DAB2IP: variants seen among roughly 807,000 people sequenced by gnomAD.
DAB2IP encodes disabled homolog 2-interacting protein.
A neutral mutation model predicts 107.2 loss-of-function variants in DAB2IP; 28 were observed. The observed-to-expected ratio is 0.26, with a 90% confidence interval of 0.19 to 0.36. The LOEUF (loss-of-function observed/expected upper bound fraction) is 0.36. Among genes scored for constraint, DAB2IP ranks in the 10% least tolerant of loss-of-function variants. The pLI, the probability that DAB2IP is intolerant of heterozygous loss-of-function variation, is 1.00. For synonymous variants in DAB2IP, 755 were observed against 706.4 expected (o/e 1.07, Z -1.09); for missense variants, 1,400 against 1,644.7 (o/e 0.85, Z 2.57).
At chr9:121,588,976 C>A (rs1286031055) in intron 1 of DAB2IP, among the ~76,000 whole-genome samples, 2 of 151,942 alleles carry the variant, frequency 1.3e-5, no homozygotes, top group South Asian at 2.1e-4. Flanking sequence ...CCCTACCCCC[C>A]ACCAAACCCA....
chr9:121,573,424 G>T (rs1211731643), intron 1 of DAB2IP, among the ~76,000 whole-genome samples: 1 of 151,528 alleles, frequency 6.6e-6, no homozygotes, highest in Non-Finnish European at 1.5e-5. Flanking sequence ...TCACTCTGTC[G>T]CCCAGTTTAG....
intron 1 of DAB2IP, among the ~76,000 whole-genome samples, chr9:121,642,488 CTTTTTTTT>C (rs59223844): frequency 7.6e-6 from 1 of 131,184 alleles, no homozygotes; most frequent in Non-Finnish European, 1.6e-5. Flanking sequence ...GCTTTTTTTT[CTTTTTTTT>C]TTTTTTTTTG....
intron 3 of DAB2IP, among the ~76,000 whole-genome samples, chr9:121,734,347 G>A (rs1025017719): frequency 2.9e-5 from 4 of 139,098 alleles, no homozygotes. Context: ...ATTGCAGTCC[G>A]CAGTCCGGCC....
chr9:121,715,139 A>G (rs1830530384), intron 3 of DAB2IP, among the ~76,000 whole-genome samples: 1 of 151,928 alleles, frequency 6.6e-6, no homozygotes, highest in South Asian at 2.1e-4. Flanking sequence ...TGCTGCCCTG[A>G]GGGTGTCTCT....
At chr9:121,626,753 TTTGAGCTTTCGGA>T (rs1831663289) in intron 1 of DAB2IP, among the ~76,000 whole-genome samples, 3 of 152,126 alleles carry the variant, frequency 2.0e-5, no homozygotes, top group African/African-American at 7.2e-5. Flanking sequence ...CACCCCCTGG[TTTGAGCTTTCGGA>T]GAGTGGCTCT....
At position 121,758,748 on chromosome 9, in the gene DAB2IP, C is replaced by T. The variant is rs114943728; in HGVS notation, c.517-150C>T. The T allele has an allele frequency of 3.6e-3, 2,413 of 661,890 alleles. 49 individuals carry two copies. In the African/African-American group the frequency reaches 0.039, roughly 11 times the overall value. The allele number at this position is 661,890 out of a possible 1,614,324, so 41.0% of individuals were successfully genotyped here. On this transcript the variant is annotated intron_variant, in intron 4 of 15. Transcript: ENST00000408936. ...CCACCTGCAAAACATGAAGTAGAGG[C>T]GTCATATGAGCCTTGTCCTGGCTCC...
intron 1 of DAB2IP, among the ~76,000 whole-genome samples, chr9:121,588,583 A>AGG (rs1475595892): frequency 1.2e-4 from 3 of 24,440 alleles, no homozygotes; most frequent in African/African-American, 2.5e-4. Context: ...TGAAGGGGGA[A>AGG]GGGAAGGGGG....
At chr9:121,649,503 AGGG>A (rs1832661505), upstream of DAB2IP, among the ~76,000 whole-genome samples, 1 of 102,742 alleles carries the variant, frequency 9.7e-6, no homozygotes, top group Non-Finnish European at 2.5e-5. Context: ...CGTCCCCTCC[AGGG>A]AGGGCTGGAA....
intron 1 of DAB2IP, among the ~76,000 whole-genome samples, chr9:121,677,705 A>G (rs1828335861): frequency 6.6e-6 from 1 of 151,966 alleles, no homozygotes; most frequent in African/African-American, 2.4e-5. Context: ...TCTGCTGCCC[A>G]GGCTGGAGTG....
At position 121,782,662 on chromosome 9, in the gene DAB2IP, C is replaced by T; in HGVS notation, c.*164C>T. 1 of 1,449,684 alleles carries T rather than the reference C, an allele frequency of 6.9e-7. No homozygotes were observed. The highest frequency in any genetic ancestry group is 1.4e-5 in the African/African-American group (1 of 70,070). 89.8% of individuals were successfully genotyped at this position (1,449,684 alleles called of 1,614,324 possible). On this transcript the variant is annotated 3_prime_UTR_variant, in exon 16 of 16. Coordinates refer to ENST00000408936, the Ensembl canonical transcript of DAB2IP. The surrounding 1 kb of genome is among the most constrained non-coding windows in gnomAD (Gnocchi z 6.1). ...TCCAGGAGGCGGCCGCAGAGGGAGC[C>T]ACCAGAGACTGAAGCAGCGTGAGGC...
chr9:121,697,012 G>A (rs1829462904), intron 2 of DAB2IP, among the ~76,000 whole-genome samples: 1 of 152,228 alleles, frequency 6.6e-6, no homozygotes, highest in South Asian at 2.1e-4. Flanking sequence ...AGGTGAAAGA[G>A]TGAATATGAC....
At chr9:121,653,965 A>G (rs1357880728) in intron 1 of DAB2IP, among the ~76,000 whole-genome samples, 1 of 152,210 alleles carries the variant, frequency 6.6e-6, no homozygotes, top group East Asian at 1.9e-4. Flanking sequence ...GGGATCTCAC[A>G]AAATGGATAG....
chr9:121,754,555 C>T (rs1054221484), intron 3 of DAB2IP, among the ~76,000 whole-genome samples: 1 of 152,194 alleles, frequency 6.6e-6, no homozygotes, highest in African/African-American at 2.4e-5. Flanking sequence ...AGGGTCATGG[C>T]TGCCCAGGTA....
At chr9:121,715,863 G>A (rs1220511524) in intron 3 of DAB2IP, among the ~76,000 whole-genome samples, 1 of 152,230 alleles carries the variant, frequency 6.6e-6, no homozygotes, top group Non-Finnish European at 1.5e-5. Context: ...TTCTAAGGAA[G>A]GTGCTTGTGA....
At chr9:121,763,926 T>C in intron 8 of DAB2IP, 47 bp downstream of exon 8, 1 of 1,598,862 alleles carries the variant, frequency 6.3e-7, no homozygotes, top group Non-Finnish European at 8.5e-7. Context: ...TTCCCCATCC[T>C]GTCCTTCAGT....
rs540005671 is a variant in DAB2IP at position 121,627,894 on chromosome 9, T to C, written c.41-50784T>C. On this transcript the variant is annotated intron_variant, in intron 1 of 16. Transcript: ENST00000259371. ...CTGTAGAATTCCACCTCACTGTTTC[T>C]ATCTGCTGCGTAGAACTTTCTGCAG... Among the ~76,000 whole-genome samples, 19 of 152,380 alleles carry C rather than the reference T, an allele frequency of 1.2e-4. No homozygotes were observed. In the East Asian group the frequency reaches 3.7e-3, roughly 29 times the overall value.
chr9:121,710,299 G>A (rs113293208), intron 3 of DAB2IP, among the ~76,000 whole-genome samples: 196 of 152,288 alleles, frequency 1.3e-3, no homozygotes, highest in African/African-American at 4.4e-3. Flanking sequence ...GCTGCCAGGC[G>A]GTTTGGAAGT....
At position 121,759,301 on chromosome 9, in the gene DAB2IP, A is replaced by G. The variant is rs1833717458; in HGVS notation, c.615+305A>G. On this transcript the variant is annotated intron_variant, in intron 5 of 15. Transcript: ENST00000408936. ...GTCCCTACTCCCCAGCCCCTGGCTG[A>G]GTTCTGCTCATCTTCCCCTTCCACC... 2.0e-5 allele frequency among the ~76,000 whole-genome samples: 3 copies of G among 152,094 alleles called. No individual in the cohort carries two copies. The South Asian group carries it at 6.2e-4, about 32-fold the overall frequency.
At chr9:121,682,327 A>G (rs1828641682) in intron 2 of DAB2IP, among the ~76,000 whole-genome samples, 1 of 152,218 alleles carries the variant, frequency 6.6e-6, no homozygotes, top group African/African-American at 2.4e-5. Flanking sequence ...CTTCACTGCC[A>G]TTTCAAACCC....
Sources: gnomAD v4.1 joint callset for allele counts (sites outside exome capture counted in the v4.1 genomes callset) on GRCh38, gnomAD v4.1.1 for gene constraint, Gnocchi (gnomAD v3.1) non-coding constraint, MANE v1.5 for transcripts, NCBI Gene and HGNC (gene_info 2026-07-23, HGNC 2026-07-21) for gene names.